The following SFXN5 variants were observed in gnomAD, a reference collection of about 807,000 sequenced individuals.
SFXN5 encodes sideroflexin 5.
In SFXN5, 43 loss-of-function variants were observed where a neutral mutation model predicts 50.2. The observed-to-expected ratio is 0.86, with a 90% confidence interval of 0.67 to 1.11. SFXN5 has a LOEUF of 1.11. Among genes scored for constraint, SFXN5 ranks in the 50% least tolerant of loss-of-function variants. SFXN5 has a pLI of 0.00. For synonymous variants in SFXN5, 203 were observed against 185.8 expected, an observed-to-expected ratio of 1.09 and a Z score of -0.75; for missense variants, 463 against 454.1, an observed-to-expected ratio of 1.02 and a Z score of -0.18.
chr2:73,023,377 T>TG (rs138241674), intron 3 of SFXN5, among the ~76,000 whole-genome samples, 163 bp from the exon 4 acceptor site: 42 of 151,726 alleles, frequency 2.8e-4, no homozygotes, highest in African/African-American at 5.6e-4. Flanking sequence ...TGTCCTATCC[T>TG]GGGGGGGGTG....
rs181816187 is a variant in SFXN5 at position 73,017,941 on chromosome 2, C to A, written c.357+2298G>T. Among the ~76,000 whole-genome samples the A allele has an allele frequency of 8.5e-5, 13 of 152,242 alleles. No homozygotes were observed. The East Asian group carries it at 2.3e-3, about 27-fold the overall frequency. Reference sequence around the variant, plus strand: ...TGAAGAGAGTACTGTACAGACAAATCTACTGTAATCTCAGCACTTTAGGAG... The same window carrying A: ...TGAAGAGAGTACTGTACAGACAAATATACTGTAATCTCAGCACTTTAGGAG... On this transcript the variant is annotated intron_variant, in intron 6 of 13. Transcript: ENST00000272433.
chr2:72,983,883 G>C (rs1671596887), intron 10 of SFXN5, among the ~76,000 whole-genome samples: 1 of 152,170 alleles, frequency 6.6e-6, no homozygotes, highest in South Asian at 2.1e-4. Flanking sequence ...TCTGCTCACA[G>C]AGACTGGTGG....
chr2:72,986,987 T>C (rs1671996443), intron 10 of SFXN5, among the ~76,000 whole-genome samples: 1 of 152,240 alleles, frequency 6.6e-6, no homozygotes, highest in Non-Finnish European at 1.5e-5. Context: ...TCTGGTAGTC[T>C]AGTGAGGCCT....
At chr2:73,005,593 C>T (rs557687526) in intron 6 of SFXN5, among the ~76,000 whole-genome samples, 19 of 152,300 alleles carry the variant, frequency 1.2e-4, no homozygotes, top group African/African-American at 4.1e-4. Context: ...TTGCCAGTGC[C>T]ATTCTTCTCC....
At chr2:72,991,269 C>T (rs2105603286) in intron 9 of SFXN5, among the ~76,000 whole-genome samples, 1 of 152,316 alleles carries the variant, frequency 6.6e-6, no homozygotes, top group South Asian at 2.1e-4. Flanking sequence ...AAACAGTGTC[C>T]TCGTCCCAGG....
chr2:73,058,570 G>A lies in SFXN5; in HGVS notation c.129C>T (p.His43=), dbSNP rs1405646446. ...TGCGAGGGTCGATGATATCCAAGAA[G>A]TGCCTGAAGCGGCCATAGAAGGACG... The part of the protein sequence containing the change: ...QQTSFYGRFR[H]FLDIIDPRTL... The change falls in exon 2 of 14, where the codon CAC becomes CAT. Residue 43 remains histidine, a synonymous_variant. Transcript: ENST00000272433. The A allele has an allele frequency of 1.9e-6, 3 of 1,614,120 alleles. No individual in the cohort carries two copies. The highest frequency in any genetic ancestry group is 2.5e-6 in the Non-Finnish European group (3 of 1,179,998).
intron 12 of SFXN5, among the ~76,000 whole-genome samples, chr2:72,964,938 G>T (rs1215780982): frequency 6.6e-6 from 1 of 152,234 alleles, no homozygotes; most frequent in Non-Finnish European, 1.5e-5. Context: ...GGGGGGAAGG[G>T]AAGGGCACGG....
rs1680529936 is a variant in SFXN5 at position 73,047,251 on chromosome 2, T to TATATATATATATATATATACACACAC, written c.172-6321_172-6320insGTGTGTGTATATATATATATATATAT. Reference sequence around the variant, plus strand: ...AAAAAAAAAAAAAAAAAAAAATATATATATATATATATATATATATATATA... The same window carrying TATATATATATATATATATACACACAC: ...AAAAAAAAAAAAAAAAAAAAATATATATATATATATATATATATACACACACATATATATATATATATATATATATA... On this transcript the variant is annotated intron_variant, in intron 2 of 13. Transcript: ENST00000272433. 3.0e-3 allele frequency among the ~76,000 whole-genome samples: 83 copies of TATATATATATATATATATACACACAC among 27,546 alleles called. 3 individuals carry two copies. Among genetic ancestry groups the TATATATATATATATATATACACACAC allele is most frequent in the Non-Finnish European group, 5.1e-3 (64 of 12,664 alleles). 18.1% of individuals were successfully genotyped at this position (27,546 alleles called of 152,430 possible).
chr2:72,979,772 T>G (rs1671067468), intron 10 of SFXN5, among the ~76,000 whole-genome samples: 2 of 152,178 alleles, frequency 1.3e-5, no homozygotes, highest in Non-Finnish European at 2.9e-5. Context: ...GTTTACAGAA[T>G]AGTATATATA....
chr2:72,955,264 G>A (rs1274737659), intron 13 of SFXN5, among the ~76,000 whole-genome samples: 3 of 134,430 alleles, frequency 2.2e-5, no homozygotes, highest in Non-Finnish European at 4.4e-5. Context: ...TGTCACCACG[G>A]CTGGCTCGCT....
intron 7 of SFXN5, 49 bp downstream of exon 7, chr2:73,001,476 C>G: frequency 6.2e-7 from 1 of 1,602,136 alleles, no homozygotes; most frequent in Non-Finnish European, 8.6e-7. Flanking sequence ...TTAACCAGCA[C>G]CTGTGTGGGC....
rs1385761896 is a variant in SFXN5 at position 73,022,509 on chromosome 2, C to A, written c.331+13G>T. 2 of 1,610,852 alleles carry A rather than the reference C, an allele frequency of 1.2e-6. No individual in the cohort carries two copies. The highest frequency in any genetic ancestry group is 1.7e-6 in the Non-Finnish European group (2 of 1,177,376). ...CCAGGCTGACCAGAACCAGAAGGGC[C>A]CCAGGAGCTTACCTGACATTCTAAA... is the stretch of plus-strand genomic sequence containing the variant. On this transcript the variant is annotated intron_variant, in intron 5 of 13. Coordinates refer to ENST00000272433, the MANE Select transcript of SFXN5 (RefSeq NM_144579.3).
In SFXN5 at chr2:72,953,524, C is replaced by T. The variant is rs1166205337; in HGVS notation, c.945+7607G>A. Among the ~76,000 whole-genome samples, 4 of 152,252 alleles carry T rather than the reference C, an allele frequency of 2.6e-5. No homozygotes were observed. Among genetic ancestry groups the T allele is most frequent in the South Asian group, 2.1e-4 (1 of 4,828 alleles). ...CAGGGACCAACAAAGTCAAGGTGAACCCAGATGAGCCACGCTCTGTACTAG... is the reference window on the plus strand; with the variant it reads ...CAGGGACCAACAAAGTCAAGGTGAATCCAGATGAGCCACGCTCTGTACTAG... On this transcript the variant is annotated intron_variant, in intron 13 of 13. Coordinates refer to ENST00000272433, the MANE Select transcript of SFXN5 (RefSeq NM_144579.3). This position sits in a 1 kb window ranked among gnomAD's most constrained non-coding sequence, Gnocchi z 4.1.
At chr2:73,008,326 T>TA (rs1167925183) in intron 6 of SFXN5, among the ~76,000 whole-genome samples, 3 of 152,148 alleles carry the variant, frequency 2.0e-5, no homozygotes, top group African/African-American at 7.2e-5. Context: ...ATTTGGTCCC[T>TA]AAGTTTTGAG....
chr2:73,030,877 A>G (rs1310944063), intron 3 of SFXN5, among the ~76,000 whole-genome samples: 1 of 152,242 alleles, frequency 6.6e-6, no homozygotes, highest in East Asian at 1.9e-4. Flanking sequence ...AATACAGAGG[A>G]ACCAACAATT....
chr2:73,031,515 G>A (rs1408475321), intron 3 of SFXN5, among the ~76,000 whole-genome samples: 1 of 152,220 alleles, frequency 6.6e-6, no homozygotes, highest in Admixed American at 6.5e-5. Context: ...TTTTGTTACA[G>A]CAGCTAGTAC....
chr2:72,989,558 T>G (rs1400277165), intron 9 of SFXN5, among the ~76,000 whole-genome samples: 1 of 151,952 alleles, frequency 6.6e-6, no homozygotes, highest in African/African-American at 2.4e-5. Flanking sequence ...TGTCCACCAC[T>G]TAGGGCTACA....
At chr2:72,955,472 C>T (rs1051184405) in intron 13 of SFXN5, among the ~76,000 whole-genome samples, 1 of 152,116 alleles carries the variant, frequency 6.6e-6, no homozygotes, top group Non-Finnish European at 1.5e-5. Flanking sequence ...GAGGGGACTG[C>T]GGTGGGGGAG....
intron 2 of SFXN5, among the ~76,000 whole-genome samples, chr2:73,056,982 T>C (rs1253959491): frequency 6.6e-6 from 1 of 152,228 alleles, no homozygotes; most frequent in African/African-American, 2.4e-5. Flanking sequence ...AATGTTCATA[T>C]AGTTTTATTC....
Sources: allele counts gnomAD v4.1 joint callset (sites outside exome capture counted in the v4.1 genomes callset), GRCh38; gene constraint gnomAD v4.1.1; non-coding constraint Gnocchi (gnomAD v3.1); transcripts MANE v1.5; gene names NCBI Gene and HGNC (gene_info 2026-07-23, HGNC 2026-07-21).